The following RBFOX3 variants were observed in gnomAD, a reference collection of about 807,000 sequenced individuals.
RBFOX3 encodes RNA binding protein fox-1 homolog 3.
RBFOX3 carries 17 observed loss-of-function variants against 48.7 expected under a neutral mutation model. The ratio of observed to expected loss-of-function variants is 0.35; its 90% CI spans 0.24 to 0.52. The LOEUF (loss-of-function observed/expected upper bound fraction) is 0.52. RBFOX3 is among the 20% of genes least tolerant of loss of function. RBFOX3 has a pLI of 0.94. For missense variants in RBFOX3, 382 were observed against 497.5 expected (o/e 0.77, Z 2.21); for synonymous variants, 212 against 209.5 (o/e 1.01, Z -0.10).
intron 3 of RBFOX3, among the ~76,000 whole-genome samples, chr17:79,292,585 C>A (rs2073505479): frequency 1.7e-5 from 1 of 57,698 alleles, no homozygotes; most frequent in South Asian, 5.1e-4. Flanking sequence ...CACACACATG[C>A]ACACACACAC....
chr17:79,393,685 GTCTGAGCCGGTCATCACGCACA>G lies in RBFOX3; in HGVS notation c.-174-85883_-174-85862del, dbSNP rs530809139. Among the ~76,000 whole-genome samples, 372 of 150,558 alleles carry G rather than the reference GTCTGAGCCGGTCATCACGCACA, an allele frequency of 2.5e-3. 1 individual carries two copies. The highest frequency in any genetic ancestry group is 8.6e-3 in the African/African-American group (350 of 40,868). ...TGATCTGAGCCTGTCGCCACACATC[GTCTGAGCCGGTCATCACGCACA>G]TCTGAGCCGGTCATCATACACATCA... is the stretch of plus-strand genomic sequence containing the variant. On this transcript the variant is annotated intron_variant, in intron 2 of 14. Transcript: ENST00000693108.
Position 79,294,601 on chromosome 17 carries a change from G to C in RBFOX3, c.-74+13123C>G, listed in dbSNP as rs563396911. ...AAGCGTGAGCCACCACGCCCCGCTA[G>C]ATACCTTTGCTTCTTGGAGAAACAG... On this transcript the variant is annotated intron_variant, in intron 3 of 14. Transcript: ENST00000693108. Among the ~76,000 whole-genome samples the C allele has an allele frequency of 2.9e-3, 446 of 152,306 alleles. 5 individuals carry two copies. Among genetic ancestry groups the C allele is most frequent in the African/African-American group, 0.011 (438 of 41,560 alleles).
At position 79,154,870 on chromosome 17, in the gene RBFOX3, T is replaced by TGCACCTGCACAGGTGCACAC. The variant is rs551434973; in HGVS notation, c.-33-39123_-33-39122insGTGTGCACCTGTGCAGGTGC. Among the ~76,000 whole-genome samples the TGCACCTGCACAGGTGCACAC allele has an allele frequency of 1.1e-4, 16 of 152,196 alleles. No individual in the cohort carries two copies. In the East Asian group the frequency reaches 1.9e-3, roughly 19 times the overall value. On this transcript the variant is annotated intron_variant, in intron 4 of 14. Transcript: ENST00000693108. ...TCCCAGGCACCTGCACAGGTGCACA[T>TGCACCTGCACAGGTGCACAC]GCACAGGTGGGCAGGACATCCCCAC...
At chr17:79,664,840 A>G in the RBFOX3 span, among the ~76,000 whole-genome samples, 75 of 152,302 alleles carry the variant, frequency 4.9e-4, no homozygotes, top group African/African-American at 1.8e-3. Context: ...GGGACCTTCT[A>G]TAAGTGGAAT....
chr17:79,094,351 G>T, intron 14 of RBFOX3, 100 bp downstream of exon 14: 1 of 801,226 alleles, frequency 1.2e-6, no homozygotes, highest in Non-Finnish European at 1.8e-6. Context: ...CCGGGACCAA[G>T]GCATTGGTCA....
intron 1 of RBFOX3, among the ~76,000 whole-genome samples, chr17:79,495,841 G>A (rs2081450115): frequency 6.6e-6 from 1 of 151,702 alleles, no homozygotes; most frequent in African/African-American, 2.4e-5. Flanking sequence ...TGTAGGCGGT[G>A]GACGGGGTGG....
intron 2 of RBFOX3, among the ~76,000 whole-genome samples, chr17:79,397,309 T>C (rs1038648789): frequency 6.6e-6 from 1 of 151,930 alleles, no homozygotes. Context: ...GGTGAAACCC[T>C]GTCTCTCCTA....
At position 79,482,999 on chromosome 17, in the gene RBFOX3, G is replaced by C. The variant is rs1025537760; in HGVS notation, c.-319-401C>G. On this transcript the variant is annotated intron_variant, in intron 1 of 14. Coordinates refer to ENST00000693108, the MANE Select transcript of RBFOX3 (RefSeq NM_001350451.2). This position sits in a 1 kb window ranked among gnomAD's most constrained non-coding sequence, Gnocchi z 4.1. ...CCTCCCCCACCCAGCCTAGATTCCA[G>C]GACCCACCACTGTCCGCACTCTCCC... Among the ~76,000 whole-genome samples the C allele has an allele frequency of 4.2e-4, 64 of 151,570 alleles. No homozygotes were observed. Among genetic ancestry groups the C allele is most frequent in the Non-Finnish European group, 7.9e-4 (54 of 67,928 alleles).
At chr17:79,384,769 C>T (rs2060354537) in intron 2 of RBFOX3, among the ~76,000 whole-genome samples, 1 of 152,228 alleles carries the variant, frequency 6.6e-6, no homozygotes, top group Admixed American at 6.5e-5. Context: ...GGAGGAGCTG[C>T]TGGCAGGCTG....
At chr17:79,094,362 G>A in intron 14 of RBFOX3, 89 bp downstream of exon 14, 1 of 939,262 alleles carries the variant, frequency 1.1e-6, no homozygotes, top group Non-Finnish European at 1.5e-6. Flanking sequence ...GCATTGGTCA[G>A]AGGGCTCGGC....
intron 1 of RBFOX3, among the ~76,000 whole-genome samples, chr17:79,493,066 C>T (rs1048779935): frequency 1.3e-4 from 20 of 152,210 alleles, no homozygotes; most frequent in African/African-American, 4.6e-4. Context: ...GTACAGGAAG[C>T]ACCGTGTTGG....
intron 2 of RBFOX3, among the ~76,000 whole-genome samples, chr17:79,468,365 A>G (rs1215581783): frequency 1.3e-5 from 2 of 152,190 alleles, no homozygotes; most frequent in African/African-American, 4.8e-5. Flanking sequence ...GACAGGTGAC[A>G]GATGATGGAT....
At chr17:79,095,919 GC>G (rs2075143346) in intron 12 of RBFOX3, among the ~76,000 whole-genome samples, 1 of 152,228 alleles carries the variant, frequency 6.6e-6, no homozygotes, top group Non-Finnish European at 1.5e-5. Flanking sequence ...TGGGTGCTAG[GC>G]CTTGGCAAGG....
chr17:79,470,367 C>A (rs1281782171), intron 2 of RBFOX3, among the ~76,000 whole-genome samples: 2 of 152,142 alleles, frequency 1.3e-5, no homozygotes, highest in Non-Finnish European at 2.9e-5. Flanking sequence ...GACAGGCTGG[C>A]GGGTGGGCTA....
chr17:79,378,901 G>A (rs78711042), intron 2 of RBFOX3, among the ~76,000 whole-genome samples: 2,126 of 152,286 alleles, frequency 0.014, 52 homozygotes, highest in African/African-American at 0.049. Flanking sequence ...TCTGGTCACC[G>A]GCACCTGCTA....
At chr17:79,562,493 T>C (rs1266631515) in intron 1 of RBFOX3, among the ~76,000 whole-genome samples, 1 of 152,232 alleles carries the variant, frequency 6.6e-6, no homozygotes, top group African/African-American at 2.4e-5. Context: ...GGAATTTAAT[T>C]AGTTCTTGTT....
At chr17:79,546,669 A>AC (rs2090480323) in intron 1 of RBFOX3, among the ~76,000 whole-genome samples, 19 of 121,802 alleles carry the variant, frequency 1.6e-4, no homozygotes, top group Admixed American at 1.4e-3. Context: ...TCCTCATTCT[A>AC]TTTTTTTTTT....
chr17:79,128,727 G>C (rs1434157014), intron 4 of RBFOX3, among the ~76,000 whole-genome samples: 1 of 152,190 alleles, frequency 6.6e-6, no homozygotes, highest in Admixed American at 6.5e-5. Flanking sequence ...CTCCTGTGGG[G>C]ACTCCTGCTG....
At chr17:79,631,653 G>A in the RBFOX3 span, among the ~76,000 whole-genome samples, 13 of 152,250 alleles carry the variant, frequency 8.5e-5, no homozygotes, top group East Asian at 1.2e-3. Flanking sequence ...TCTTCTCACC[G>A]CAGTGTCTCA....
Sources: allele counts gnomAD v4.1 joint callset (sites outside exome capture counted in the v4.1 genomes callset), GRCh38; gene constraint gnomAD v4.1.1; non-coding constraint Gnocchi (gnomAD v3.1); transcripts MANE v1.5; gene names NCBI Gene and HGNC (gene_info 2026-07-23, HGNC 2026-07-21).